LARS2: variants seen among roughly 807,000 people sequenced by gnomAD.
LARS2 encodes the protein leucine--tRNA ligase, mitochondrial.
In LARS2, 81 loss-of-function variants were observed where a neutral mutation model predicts 116.6. That is an observed-to-expected ratio of 0.69 (90% CI 0.58 to 0.84). The LOEUF (loss-of-function observed/expected upper bound fraction) is 0.84, where lower values mean the gene tolerates loss of function less well. LARS2 is among the 40% of genes least tolerant of loss of function. LARS2 has a pLI of 0.00. For missense variants in LARS2, 968 were observed against 1,114.5 expected (o/e 0.87, Z 1.87); for synonymous variants, 396 against 407.2 (o/e 0.97, Z 0.33).
intron 7 of LARS2, among the ~76,000 whole-genome samples, chr3:45,455,094 A>T (rs1049569207): frequency 5.4e-5 from 8 of 146,978 alleles, no homozygotes; most frequent in Non-Finnish European, 1.0e-4. Flanking sequence ...CAAGTCTTTC[A>T]TTAGGGGGAT....
In LARS2 at chr3:45,393,100, C is replaced by T. The variant is rs1053085713; in HGVS notation, c.-21-1333C>T. ...AGTATTTACCTGTGGAAGAAGCCAACGAAACATTAAAATTGGATTTTGAAT... is the reference window on the plus strand; with the variant it reads ...AGTATTTACCTGTGGAAGAAGCCAATGAAACATTAAAATTGGATTTTGAAT... On this transcript the variant is annotated intron_variant, in intron 2 of 21. Coordinates refer to ENST00000645846, the MANE Select transcript of LARS2 (RefSeq NM_015340.4). Among the ~76,000 whole-genome samples the T allele has an allele frequency of 1.1e-4, 17 of 152,220 alleles. No homozygotes were observed. The South Asian group carries it at 1.2e-3, about 11-fold the overall frequency.
At chr3:45,542,981 A>C (rs887777787) in intron 21 of LARS2, among the ~76,000 whole-genome samples, 1 of 152,276 alleles carries the variant, frequency 6.6e-6, no homozygotes, top group Admixed American at 6.5e-5. Flanking sequence ...ATAACCCCAC[A>C]GAGGTTGGCC....
chr3:45,442,008 A>G (rs1169375121), intron 6 of LARS2, among the ~76,000 whole-genome samples: 2 of 152,204 alleles, frequency 1.3e-5, no homozygotes, highest in Admixed American at 6.5e-5. Flanking sequence ...TGCACTTTCT[A>G]GAGCTCAGGA....
intron 15 of LARS2, among the ~76,000 whole-genome samples, chr3:45,510,998 A>G (rs946717827): frequency 1.3e-5 from 2 of 152,238 alleles, no homozygotes; most frequent in Non-Finnish European, 2.9e-5. Context: ...CTTTCTGATT[A>G]TATGGTACGA....
intron 11 of LARS2, among the ~76,000 whole-genome samples, chr3:45,486,708 GA>G (rs1699820970): frequency 6.6e-6 from 1 of 152,180 alleles, no homozygotes; most frequent in Non-Finnish European, 1.5e-5. Context: ...TTTAAACCTA[GA>G]AAATGTGTTG....
chr3:45,411,820 T>A (rs1698336583), intron 4 of LARS2, among the ~76,000 whole-genome samples: 1 of 152,138 alleles, frequency 6.6e-6, no homozygotes, highest in South Asian at 2.1e-4. Flanking sequence ...CAATAGTTAT[T>A]TTTTCTGCTC....
intron 21 of LARS2, among the ~76,000 whole-genome samples, chr3:45,542,951 C>T (rs758817057): frequency 6.6e-5 from 10 of 152,260 alleles, no homozygotes; most frequent in Admixed American, 3.9e-4. Context: ...AACAAACCCA[C>T]CTAGGGGCTG....
rs567046763 is a variant in LARS2 at position 45,407,585 on chromosome 3, A to C, written c.363+7212A>C. Among the ~76,000 whole-genome samples, 38 of 152,336 alleles carry C rather than the reference A, an allele frequency of 2.5e-4. No individual in the cohort carries two copies. The South Asian group carries it at 2.7e-3, about 11-fold the overall frequency. Reference sequence around the variant, plus strand: ...ATCTGTAATAATGGTGAGTTATTACACTTGCTAAACAAAATTAAATATTGT... The same window carrying C: ...ATCTGTAATAATGGTGAGTTATTACCCTTGCTAAACAAAATTAAATATTGT... On this transcript the variant is annotated intron_variant, in intron 4 of 21. Transcript: ENST00000645846.
At chr3:45,410,308 CTT>C (rs35327145) in intron 4 of LARS2, among the ~76,000 whole-genome samples, 17,416 of 135,706 alleles carry the variant, frequency 0.13, 1,139 homozygotes, top group Middle Eastern at 0.18. Flanking sequence ...GCATTGGATT[CTT>C]TTTTTTTTTT....
intron 3 of LARS2, among the ~76,000 whole-genome samples, chr3:45,396,200 G>A (rs938731335): frequency 1.3e-5 from 2 of 152,184 alleles, no homozygotes; most frequent in Non-Finnish European, 2.9e-5. Context: ...AGCATAAGGG[G>A]CATTGTGTGT....
intron 8 of LARS2, among the ~76,000 whole-genome samples, chr3:45,460,410 T>C (rs988207631): frequency 3.9e-5 from 6 of 152,240 alleles, no homozygotes; most frequent in Admixed American, 6.5e-5. Flanking sequence ...GATTCTGTTA[T>C]AGGCATTGTT....
chr3:45,509,732 G>A (rs1020997482), intron 15 of LARS2, among the ~76,000 whole-genome samples: 2 of 151,982 alleles, frequency 1.3e-5, no homozygotes, highest in Non-Finnish European at 2.9e-5. Context: ...CCATTCCCTG[G>A]CTCCCTGGAA....
intron 8 of LARS2, among the ~76,000 whole-genome samples, chr3:45,468,852 C>G (rs1183542580): frequency 6.6e-6 from 1 of 152,216 alleles, no homozygotes; most frequent in Non-Finnish European, 1.5e-5. Context: ...TCAGGGCATT[C>G]CCTGATGGGC....
intron 20 of LARS2, among the ~76,000 whole-genome samples, chr3:45,536,283 G>T (rs1700703842): frequency 1.3e-5 from 2 of 152,068 alleles, no homozygotes; most frequent in South Asian, 4.2e-4. Context: ...ACCACATCTG[G>T]CTAATTTTTT....
At chr3:45,505,629 T>A (rs1266334615) in intron 15 of LARS2, among the ~76,000 whole-genome samples, 1 of 151,962 alleles carries the variant, frequency 6.6e-6, no homozygotes, top group African/African-American at 2.4e-5. Flanking sequence ...AGTTCAAGGC[T>A]GCAGTGAGCC....
At chr3:45,437,589 G>GGAAGAC (rs1393754057) in intron 6 of LARS2, among the ~76,000 whole-genome samples, 1 of 152,234 alleles carries the variant, frequency 6.6e-6, no homozygotes, top group Non-Finnish European at 1.5e-5. Context: ...TCAGGAAGGA[G>GGAAGAC]GAAGACGTGG....
At chr3:45,460,838 C>T (rs556635636) in intron 8 of LARS2, among the ~76,000 whole-genome samples, 1 of 152,194 alleles carries the variant, frequency 6.6e-6, no homozygotes, top group East Asian at 1.9e-4. Context: ...CACCCTAAGA[C>T]TAATGACAAA....
intron 6 of LARS2, among the ~76,000 whole-genome samples, chr3:45,425,567 C>A (rs1698580328): frequency 6.6e-6 from 1 of 152,172 alleles, no homozygotes; most frequent in African/African-American, 2.4e-5. Flanking sequence ...TGACTTCAGG[C>A]CCTTCCAAGT....
intron 3 of LARS2, among the ~76,000 whole-genome samples, chr3:45,399,477 T>TTTTG (rs1698105899): frequency 1.3e-5 from 2 of 152,052 alleles, no homozygotes; most frequent in African/African-American, 4.8e-5. Flanking sequence ...TTTTGTTTTG[T>TTTTG]TTTGTTTTGT....
Sources: gnomAD v4.1 joint callset for allele counts (sites outside exome capture counted in the v4.1 genomes callset) on GRCh38, gnomAD v4.1.1 for gene constraint, MANE v1.5 for transcripts, NCBI Gene and HGNC (gene_info 2026-07-23, HGNC 2026-07-21) for gene names.